The following RP1L1 variants were observed in gnomAD, a reference collection of about 807,000 sequenced individuals.
RP1L1 encodes RP1 like 1.
Under a neutral mutation model 15.7 loss-of-function variants are expected in RP1L1, and 27 were observed. The ratio of observed to expected loss-of-function variants is 1.72; its 90% confidence interval spans 1.27 to 2.38. The LOEUF is 2.38. Among genes scored for constraint, RP1L1 ranks in the 30% most tolerant of loss-of-function variants. The pLI is 0.00. For missense variants in RP1L1, 4,798 were observed against 3,075.9 expected (o/e 1.56, Z -13.24); for synonymous variants, 1,813 against 1,276.7 (o/e 1.42, Z -8.96).
Position 10,616,446 on chromosome 8 carries a change from C to A in RP1L1, c.751G>T (p.Gly251Trp), listed in dbSNP as rs201120801. ...GGGGGAAACCCAAAAACCAACTCAC[C>A]GTTTTTGTTTCTTGAAGTCAGCCCA... is the stretch of plus-strand genomic sequence containing the variant. ...LSGLTSRNKN[G>W]SWGPKTKPSV... Residue 251 changes from glycine to tryptophan, a missense_variant and splice_region_variant, in exon 3 of 4, where the codon GGG becomes TGG. Transcript: ENST00000382483. 53 of 1,614,092 alleles carry A rather than the reference C, an allele frequency of 3.3e-5. No individual in the cohort carries two copies. Among genetic ancestry groups the A allele is most frequent in the Non-Finnish European group, 4.2e-5 (49 of 1,180,046 alleles).
chr8:10,620,596 G>A (rs977607858), intron 2 of RP1L1, among the ~76,000 whole-genome samples: 1 of 152,072 alleles, frequency 6.6e-6, no homozygotes, highest in Non-Finnish European at 1.5e-5. Flanking sequence ...ACAAGAGTGA[G>A]ACTCTGTCTC....
rs1220437680 is a variant in RP1L1, at chr8:10,610,105, C to G, written c.3993G>C (p.Leu1331=). 4 of 1,475,980 alleles carry G rather than the reference C, an allele frequency of 2.7e-6. 1 individual carries two copies. The highest frequency in any genetic ancestry group is 3.6e-4 in the Middle Eastern group (2 of 5,606). The allele number at this position is 1,475,980 out of a possible 1,614,324, so 91.4% of individuals were successfully genotyped here. The change falls in exon 4 of 4, where the codon CTG becomes CTC. Residue 1331 remains leucine (L), a synonymous_variant. Coordinates refer to ENST00000382483, the MANE Select transcript of RP1L1 (RefSeq NM_178857.6). ...QLEETKTEEG[L]QEEGVQLEET... ...CCTCTAACTGCACCCCCTCTTCTTG[C>G]AGCCCTTCTTCTGTTTTAGTTTCCT...
intron 1 of RP1L1, among the ~76,000 whole-genome samples, chr8:10,631,649 C>T (rs1300593313): frequency 6.6e-6 from 1 of 152,234 alleles, no homozygotes; most frequent in African/African-American, 2.4e-5. Context: ...TGTCCCCCCT[C>T]CTCCACTTCC....
chr8:10,651,292 T>C (rs1479040871), intron 1 of RP1L1, among the ~76,000 whole-genome samples: 1 of 152,228 alleles, frequency 6.6e-6, no homozygotes, highest in Non-Finnish European at 1.5e-5. Context: ...CAGGTGATTG[T>C]GCTCACACAT....
chr8:10,620,196 T>A (rs1263605961), intron 2 of RP1L1, among the ~76,000 whole-genome samples: 1 of 152,314 alleles, frequency 6.6e-6, no homozygotes, highest in Middle Eastern at 3.4e-3. Flanking sequence ...TGGATGTTAG[T>A]CCAGGGTCTC....
chr8:10,619,705 T>C (rs930253288), intron 2 of RP1L1, among the ~76,000 whole-genome samples: 4 of 152,022 alleles, frequency 2.6e-5, no homozygotes, highest in Non-Finnish European at 4.4e-5. Context: ...GGTGGGCAGA[T>C]CACCTGAGGT....
chr8:10,609,347 C>T lies in RP1L1; in HGVS notation c.4751G>A (p.Gly1584Asp). 1 of 1,612,324 alleles carries T rather than the reference C, an allele frequency of 6.2e-7. No individual in the cohort carries two copies. The highest frequency in any genetic ancestry group is 8.5e-7 in the Non-Finnish European group (1 of 1,179,876). Residue 1584 changes from glycine to aspartate, a missense_variant, in exon 4 of 4, where the codon GGT (glycine) becomes GAT (aspartate). Transcript: ENST00000382483. ...RELQKLQGRA[G>D]RMVLEPPREA... ...CCTTGGAGGCTCCAGCACCATCCTACCCGCCCGGCCCTGGAGCTTCTGGAG... is the reference window on the plus strand; with the variant it reads ...CCTTGGAGGCTCCAGCACCATCCTATCCGCCCGGCCCTGGAGCTTCTGGAG...
At chr8:10,644,550 C>T (rs1455475293) in intron 1 of RP1L1, among the ~76,000 whole-genome samples, 1 of 152,228 alleles carries the variant, frequency 6.6e-6, no homozygotes, top group Non-Finnish European at 1.5e-5. Context: ...GACAGAGACC[C>T]AGGAACCAGT....
At chr8:10,636,705 G>T (rs531471585) in intron 1 of RP1L1, among the ~76,000 whole-genome samples, 1 of 152,352 alleles carries the variant, frequency 6.6e-6, no homozygotes, top group South Asian at 2.1e-4. Context: ...TGCTAATCCA[G>T]CTGCAGGAGG....
At chr8:10,635,833 T>G (rs1003505343) in intron 1 of RP1L1, among the ~76,000 whole-genome samples, 2 of 151,976 alleles carry the variant, frequency 1.3e-5, no homozygotes, top group Non-Finnish European at 2.9e-5. Flanking sequence ...GCGCTGAGAG[T>G]GGGGACTCAG....
At position 10,610,758 on chromosome 8, in the gene RP1L1, A is replaced by T. The variant is rs559059729; in HGVS notation, c.3340T>A (p.Ser1114Thr). ...SRPMARRLSCSAGALITCLAS... is the reference protein window; with the variant it reads ...SRPMARRLSCTAGALITCLAS... ...AGACAAGTAATGAGGGCCCCGGCTGAGCAGCTGAGCCTCCTGGCCATGGGC... is the reference window on the plus strand; with the variant it reads ...AGACAAGTAATGAGGGCCCCGGCTGTGCAGCTGAGCCTCCTGGCCATGGGC... Residue 1114 changes from serine (S) to threonine (T), a missense_variant, in exon 4 of 4, where the codon TCA (serine) becomes ACA (threonine). Ser to Thr is a moderately conservative substitution (Grantham distance 58). Coordinates refer to ENST00000382483, the MANE Select transcript of RP1L1 (RefSeq NM_178857.6). 104 of 1,613,350 alleles carry T rather than the reference A, an allele frequency of 6.4e-5. No individual in the cohort carries two copies. In the East Asian group the frequency reaches 2.0e-3, roughly 31 times the overall value.
intron 1 of RP1L1, among the ~76,000 whole-genome samples, chr8:10,651,831 A>G (rs1479250975): frequency 6.6e-6 from 1 of 152,030 alleles, no homozygotes; most frequent in Non-Finnish European, 1.5e-5. Context: ...CATACAGTAC[A>G]CAGTCACGCA....
intron 1 of RP1L1, among the ~76,000 whole-genome samples, chr8:10,630,892 G>A (rs1047586448): frequency 6.6e-5 from 10 of 152,208 alleles, no homozygotes; most frequent in South Asian, 2.1e-4. Flanking sequence ...TCATCGCAGC[G>A]GGAGAAATTG....
intron 1 of RP1L1, among the ~76,000 whole-genome samples, chr8:10,630,984 A>AGAGTCTTGCTCG (rs1246941194): frequency 2.0e-5 from 3 of 152,174 alleles, no homozygotes; most frequent in Non-Finnish European, 2.9e-5. Context: ...CTTTGCAGGT[A>AGAGTCTTGCTCG]GAGTCTTGCT....
At chr8:10,645,685 G>A (rs571597075) in intron 1 of RP1L1, among the ~76,000 whole-genome samples, 9 of 152,308 alleles carry the variant, frequency 5.9e-5, no homozygotes, top group African/African-American at 2.2e-4. Flanking sequence ...TCGCGAGGCT[G>A]CGAGCATTGG....
chr8:10,627,244 C>T (rs1239497170), intron 1 of RP1L1, among the ~76,000 whole-genome samples: 2 of 152,060 alleles, frequency 1.3e-5, no homozygotes, highest in Admixed American at 6.6e-5. Flanking sequence ...AACATTCATC[C>T]GCGGATGAAC....
At position 10,611,010 on chromosome 8, in the gene RP1L1, C is replaced by G. The variant is rs958137681; in HGVS notation, c.3088G>C (p.Gly1030Arg). ...GATTGGGGACCAGTGTCACTACTCCCCAGGAGGGCTCCCTCTGGCTCTGGG... is the reference window on the plus strand; with the variant it reads ...GATTGGGGACCAGTGTCACTACTCCGCAGGAGGGCTCCCTCTGGCTCTGGG... ...QDPEPEGALL[G>R]SSDTGPQSGE... is the part of the protein sequence containing the mutation. Residue 1030 changes from glycine to arginine, a missense_variant, in exon 4 of 4, where the codon GGG (glycine) becomes CGG (arginine). Transcript: ENST00000382483. The G allele has an allele frequency of 1.2e-6, 2 of 1,612,708 alleles. No homozygotes were observed. The highest frequency in any genetic ancestry group is 1.7e-6 in the Non-Finnish European group (2 of 1,179,958).
chr8:10,646,931 C>T (rs1415098287), intron 1 of RP1L1, among the ~76,000 whole-genome samples: 1 of 152,260 alleles, frequency 6.6e-6, no homozygotes, highest in Non-Finnish European at 1.5e-5. Flanking sequence ...CCAACCTCCC[C>T]CCCTCAGTTG....
At chr8:10,651,921 G>C (rs749906062) in intron 1 of RP1L1, among the ~76,000 whole-genome samples, 3 of 152,060 alleles carry the variant, frequency 2.0e-5, no homozygotes, top group Non-Finnish European at 2.9e-5. Context: ...TGCATATACA[G>C]GTGTGCCATT....
Sources: gnomAD v4.1 joint callset for allele counts (sites outside exome capture counted in the v4.1 genomes callset) on GRCh38, gnomAD v4.1.1 for gene constraint, MANE v1.5 for transcripts, NCBI Gene and HGNC (gene_info 2026-07-23, HGNC 2026-07-21) for gene names.